Variants in FRYL observed in about 807,000 individuals in gnomAD.
The protein encoded by FRYL is FRY like transcription coactivator, also known as protein furry homolog-like.
Under a neutral mutation model 351.2 loss-of-function variants are expected in FRYL, and 150 were observed. That is an observed-to-expected ratio of 0.43 (90% CI 0.37 to 0.49). FRYL has a LOEUF of 0.49. Ranked by LOEUF, FRYL falls within the 20% of genes least tolerant of loss-of-function variation. The pLI is 0.00. For missense variants in FRYL, 3,036 were observed against 3,619.3 expected (o/e 0.84, Z 4.13); for synonymous variants, 1,153 against 1,257.1 (o/e 0.92, Z 1.75).
rs774194038 is a variant in FRYL, at chr4:48,717,699, TCTGA to T, written c.-383-7005_-383-7002del. On this transcript the variant is annotated intron_variant, in intron 1 of 63. Transcript: ENST00000358350. The stretch of plus-strand genomic sequence containing the variant: ...AGAAGTGCAGGAGCATGCCACCATG[TCTGA>T]CTAATTTTTTTAATTTTTTGTAGAG... Among the ~76,000 whole-genome samples, 60 of 151,204 alleles carry T rather than the reference TCTGA, an allele frequency of 4.0e-4. 3 individuals are homozygous for T. The highest frequency in any genetic ancestry group is 6.8e-4 in the Non-Finnish European group (46 of 67,738).
chr4:48,657,711 C>G (rs1759537935), intron 3 of FRYL, among the ~76,000 whole-genome samples: 1 of 152,070 alleles, frequency 6.6e-6, no homozygotes, highest in South Asian at 2.1e-4. Context: ...CAATTATACT[C>G]CTCCCCAACT....
At chr4:48,663,186 AC>A (rs1333686093) in intron 3 of FRYL, among the ~76,000 whole-genome samples, 1 of 151,228 alleles carries the variant, frequency 6.6e-6, no homozygotes, top group Non-Finnish European at 1.5e-5. Flanking sequence ...ACAAGTGACT[AC>A]AATAGCACAT....
intron 7 of FRYL, among the ~76,000 whole-genome samples, chr4:48,615,583 A>T (rs1242351533): frequency 6.6e-6 from 1 of 152,218 alleles, no homozygotes; most frequent in African/African-American, 2.4e-5. Context: ...GTACAAACAT[A>T]CTATTTTAGT....
Position 48,578,954 on chromosome 4 carries a change from C to T in FRYL, c.2528+19G>A. 6.4e-7 allele frequency: 1 copy of T among 1,554,366 alleles called. No individual in the cohort carries two copies. Among genetic ancestry groups the T allele is most frequent in the African/African-American group, 1.4e-5 (1 of 72,336 alleles). On this transcript the variant is annotated intron_variant, in intron 23 of 63. Coordinates refer to ENST00000358350, the MANE Select transcript of FRYL (RefSeq NM_015030.2). ...GACAGTCTATACATTTTTAAATTTA[C>T]ACTAGGAAAATAACTTACTTTATAT...
intron 1 of FRYL, among the ~76,000 whole-genome samples, chr4:48,765,197 G>T (rs1345634800): frequency 6.6e-6 from 1 of 152,102 alleles, no homozygotes; most frequent in African/African-American, 2.4e-5. Flanking sequence ...AAATGCTAGA[G>T]CAATCTTGAC....
chr4:48,753,123 G>C lies in FRYL; in HGVS notation c.-384+26955C>G, dbSNP rs112454451. 4.5e-3 allele frequency among the ~76,000 whole-genome samples: 680 copies of C among 152,262 alleles called. 5 individuals carry two copies. Among genetic ancestry groups the C allele is most frequent in the African/African-American group, 0.015 (631 of 41,550 alleles). ...GGATTGCAGGGAAAGAAAATCCACTGACCTTGCTAATAAGAGATCTTCTTT... is the reference window on the plus strand; with the variant it reads ...GGATTGCAGGGAAAGAAAATCCACTCACCTTGCTAATAAGAGATCTTCTTT... On this transcript the variant is annotated intron_variant, in intron 1 of 63. Coordinates refer to ENST00000358350, the MANE Select transcript of FRYL (RefSeq NM_015030.2).
chr4:48,576,256 A>C (rs764136694), intron 23 of FRYL, 34 bp from the exon 24 acceptor site: 1 of 1,475,136 alleles, frequency 6.8e-7, no homozygotes, highest in Non-Finnish European at 9.1e-7. Flanking sequence ...GGCAGATATG[A>C]ATAACACAAC....
chr4:48,540,046 G>A lies in FRYL; in HGVS notation c.6318C>T (p.Cys2106=). 4 of 1,612,818 alleles carry A rather than the reference G, an allele frequency of 2.5e-6. No individual in the cohort carries two copies. The highest frequency in any genetic ancestry group is 3.4e-6 in the Non-Finnish European group (4 of 1,179,414). The change falls in exon 47 of 64, where the codon TGC becomes TGT. Residue 2106 remains cysteine (C), a synonymous_variant. Transcript: ENST00000358350. ...QLSGFPLNIL[C]LLPHLIQHFD... ...AATGCTGGATTAAGTGAGGCAATAA[G>A]CAAAGGATGTTAAGAGGAAAGCCTA...
intron 5 of FRYL, 28 bp from the exon 6 acceptor site, chr4:48,620,806 T>C: frequency 6.3e-7 from 1 of 1,595,320 alleles, no homozygotes; most frequent in Admixed American, 1.7e-5. Context: ...TACCAGAAAA[T>C]AAATTGTAAC....
In FRYL at chr4:48,567,985, G is replaced by C. The variant is rs115447305; in HGVS notation, c.2997-565C>G. ...TTGCCTTTAAGAATATCTGCAATGTGCTGGGCGCGGTGGCTCACACCTGTA... is the reference window on the plus strand; with the variant it reads ...TTGCCTTTAAGAATATCTGCAATGTCCTGGGCGCGGTGGCTCACACCTGTA... On this transcript the variant is annotated intron_variant, in intron 27 of 63. Transcript: ENST00000358350. This position sits in a 1 kb window ranked among gnomAD's most constrained non-coding sequence, Gnocchi z 4.2. Among the ~76,000 whole-genome samples, 8,130 of 152,266 alleles carry C rather than the reference G, an allele frequency of 0.053. 387 individuals carry two copies. The highest frequency in any genetic ancestry group is 0.26 in the East Asian group (1,338 of 5,176).
chr4:48,639,695 C>A (rs1028119117), intron 3 of FRYL, among the ~76,000 whole-genome samples: 1 of 151,734 alleles, frequency 6.6e-6, no homozygotes, highest in Non-Finnish European at 1.5e-5. Flanking sequence ...TCGAGCTCTG[C>A]AAGACACTAT....
chr4:48,774,546 ATTTTTTT>A (rs1440410385), intron 1 of FRYL, among the ~76,000 whole-genome samples: 1 of 143,212 alleles, frequency 7.0e-6, no homozygotes, highest in Non-Finnish European at 1.5e-5. Flanking sequence ...AATACAAATA[ATTTTTTT>A]TTTTTTTTTG....
intron 5 of FRYL, 58 bp downstream of exon 5, chr4:48,623,068 A>G: frequency 3.9e-6 from 4 of 1,016,200 alleles, no homozygotes; most frequent in Non-Finnish European, 6.0e-6. Flanking sequence ...TTTGGGCCAG[A>G]CTATTAGGAT....
chr4:48,751,281 A>G (rs1028483359), intron 1 of FRYL, among the ~76,000 whole-genome samples: 1 of 152,208 alleles, frequency 6.6e-6, no homozygotes, highest in African/African-American at 2.4e-5. Context: ...AATTTCTATG[A>G]AATTTCACAA....
chr4:48,689,634 A>G (rs181977047), intron 2 of FRYL, among the ~76,000 whole-genome samples: 2,473 of 152,166 alleles, frequency 0.016, 31 homozygotes, highest in Non-Finnish European at 0.024. Context: ...AGTATGAGGG[A>G]AAAAAAAGTG....
intron 36 of FRYL, among the ~76,000 whole-genome samples, chr4:48,551,891 G>A (rs1365096077): frequency 5.3e-5 from 8 of 152,122 alleles, no homozygotes; most frequent in Non-Finnish European, 8.8e-5. Context: ...AGAACCTCTG[G>A]AAACAGGGGT....
intron 1 of FRYL, among the ~76,000 whole-genome samples, chr4:48,737,616 A>T (rs1313650295): frequency 6.6e-6 from 1 of 152,154 alleles, no homozygotes; most frequent in Non-Finnish European, 1.5e-5. Context: ...ATACTCCCAA[A>T]CTCATTCTAT....
Position 48,500,018 on chromosome 4 carries a change from G to A in FRYL, c.8783+12C>T, listed in dbSNP as rs546254706. 2.0e-5 allele frequency: 31 copies of A among 1,550,570 alleles called. No homozygotes were observed. The highest frequency in any genetic ancestry group is 1.5e-4 in the South Asian group (12 of 81,650). Reference sequence around the variant, plus strand: ...TTTAAAGGCATCACCTTTAAATCCCGTCACGTTTTACCTGAAAGCTTTGAC... The same window carrying A: ...TTTAAAGGCATCACCTTTAAATCCCATCACGTTTTACCTGAAAGCTTTGAC... On this transcript the variant is annotated intron_variant, in intron 63 of 63. Coordinates refer to ENST00000358350, the MANE Select transcript of FRYL (RefSeq NM_015030.2).
intron 1 of FRYL, among the ~76,000 whole-genome samples, chr4:48,778,153 T>C (rs994011164): frequency 1.3e-5 from 2 of 152,236 alleles, no homozygotes; most frequent in Admixed American, 6.5e-5. Flanking sequence ...CTTTATTTCC[T>C]AAATTCTGTG....
Sources: gnomAD v4.1 joint callset for allele counts (sites outside exome capture counted in the v4.1 genomes callset) on GRCh38, gnomAD v4.1.1 for gene constraint, Gnocchi (gnomAD v3.1) non-coding constraint, MANE v1.5 for transcripts, NCBI Gene and HGNC (gene_info 2026-07-23, HGNC 2026-07-21) for gene names.